The following PDGFA variants were observed in gnomAD, a reference collection of about 807,000 sequenced individuals.
The protein encoded by PDGFA is platelet-derived growth factor subunit A.
Under a neutral mutation model 25.6 loss-of-function variants are expected in PDGFA, and 9 were observed. That is an observed-to-expected ratio of 0.35 (90% CI 0.21 to 0.61). The LOEUF is 0.61. Among genes scored for constraint, PDGFA ranks in the 20% least tolerant of loss-of-function variants. PDGFA has a pLI of 0.75. For synonymous variants in PDGFA, 133 were observed against 111.8 expected (o/e 1.19, Z -1.20); for missense variants, 242 against 272.8 (o/e 0.89, Z 0.79).
chr7:497,959 C>CCA (rs1782149031), exon 6 of PDGFA: 1 of 56,688 alleles, frequency 1.8e-5, no homozygotes, highest in Non-Finnish European at 3.0e-5. Flanking sequence ...AAAAAAAAAA[C>CCA]AAAAAAAAAA....
Position 510,799 on chromosome 7 carries a change from G to GC in PDGFA, c.453+9_453+10insG, listed in dbSNP as rs1233407759. The GC allele has an allele frequency of 2.8e-6, 3 of 1,085,018 alleles. No homozygotes were observed. The Admixed American group carries it at 8.6e-5, about 31-fold the overall frequency. The allele number at this position is 1,085,018 out of a possible 1,614,324, so 67.2% of individuals were successfully genotyped here. On this transcript the variant is annotated intron_variant, in intron 4 of 5. Transcript: ENST00000402802. ...GAGGGGAGGGGAGGGGAGGGGAGGG[G>GC]AGGGCTCACCTTGACGCTGCGGTGG...
chr7:500,972 G>A lies in PDGFA; in HGVS notation c.580+144C>T, dbSNP rs760950749. On this transcript the variant is annotated intron_variant, in intron 5 of 5. Transcript: ENST00000402802. The surrounding 1 kb of genome is among the most constrained non-coding windows in gnomAD (Gnocchi z 5.0). ...CGTCTCCCCCGCAGGCATCTGGCCC[G>A]GGAGCAGGGCAACGAATCCTTCAAC... is the stretch of plus-strand genomic sequence containing the variant. 86 of 1,598,128 alleles carry A rather than the reference G, an allele frequency of 5.4e-5. No homozygotes were observed. The highest frequency in any genetic ancestry group is 2.0e-4 in the East Asian group (9 of 44,760).
chr7:505,746 C>T (rs369119399), intron 4 of PDGFA, among the ~76,000 whole-genome samples: 1 of 152,218 alleles, frequency 6.6e-6, no homozygotes, highest in African/African-American at 2.4e-5. Context: ...CATCCCTAGC[C>T]TGCACTCCTT....
intron 4 of PDGFA, among the ~76,000 whole-genome samples, chr7:509,318 G>A (rs966670608): frequency 6.6e-6 from 1 of 152,180 alleles, no homozygotes; most frequent in Non-Finnish European, 1.5e-5. Context: ...TAGAGACGGA[G>A]TCTTGCTCTA....
intron 4 of PDGFA, among the ~76,000 whole-genome samples, chr7:503,997 A>T (rs1406143204): frequency 1.3e-5 from 2 of 152,158 alleles, no homozygotes; most frequent in African/African-American, 4.8e-5. Flanking sequence ...CCCAGGACAG[A>T]ATCCTCCAGA....
chr7:509,297 CT>C (rs993881659), intron 4 of PDGFA, among the ~76,000 whole-genome samples: 3 of 152,102 alleles, frequency 2.0e-5, no homozygotes, highest in Admixed American at 6.5e-5. Context: ...CCTTTTTTCT[CT>C]TTTTTTTCTT....
chr7:512,352 G>A (rs565721664), exon 3 of PDGFA: 65 of 1,609,484 alleles, frequency 4.0e-5, no homozygotes, highest in South Asian at 3.1e-4. Context: ...TGGACTCACC[G>A]ATGCTTCTCT....
At chr7:516,307 G>C (rs1304164065) in intron 2 of PDGFA, among the ~76,000 whole-genome samples, 5 of 151,228 alleles carry the variant, frequency 3.3e-5, no homozygotes, top group African/African-American at 1.2e-4. Flanking sequence ...GGCATGAAAC[G>C]AAAATAGTTC....
At chr7:507,971 A>C (rs564278565) in intron 4 of PDGFA, among the ~76,000 whole-genome samples, 6 of 152,160 alleles carry the variant, frequency 3.9e-5, no homozygotes, top group Non-Finnish European at 8.8e-5. Flanking sequence ...TTGGGGCTTC[A>C]AAAGGGGAGT....
At chr7:512,270 C>A (rs557656698) in intron 3 of PDGFA, 81 bp downstream of exon 3, 11 of 1,320,908 alleles carry the variant, frequency 8.3e-6, no homozygotes, top group Non-Finnish European at 1.1e-5. Flanking sequence ...CCTCCCCACC[C>A]GGCCCTGCCC....
upstream of PDGFA, chr7:519,837 G>T (rs1193020243): frequency 6.8e-6 from 1 of 148,114 alleles, no homozygotes; most frequent in African/African-American, 2.5e-5. Context: ...GCTCCGCAGG[G>T]CGCGCGTGTG....
rs545240715 is a variant in PDGFA, at chr7:511,011, G to A, written c.266-15C>T. 93 of 1,606,706 alleles carry A rather than the reference G, an allele frequency of 5.8e-5. 1 individual carries two copies. In the South Asian group the frequency reaches 8.9e-4, roughly 15 times the overall value. ...GACAGCTTCCTCTGCAACGGCGGGG[G>A]CACAGTGAGCGGGGACCGGCCTCTG... On this transcript the variant is annotated splice_polypyrimidine_tract_variant and intron_variant, in intron 3 of 5. Coordinates refer to ENST00000402802, the Ensembl canonical transcript of PDGFA.
intron 2 of PDGFA, chr7:512,914 G>A (rs1198598095): frequency 4.0e-6 from 1 of 248,294 alleles, no homozygotes; most frequent in Non-Finnish European, 8.1e-6. Context: ...GGGAGAAGCA[G>A]AGGCCGCTGA....
intron 4 of PDGFA, among the ~76,000 whole-genome samples, chr7:510,474 C>T (rs1438719322): frequency 1.2e-4 from 16 of 135,202 alleles, no homozygotes; most frequent in Non-Finnish European, 1.8e-4. Context: ...TTGGTAGGGG[C>T]GGCCCCGGGC....
intron 2 of PDGFA, among the ~76,000 whole-genome samples, chr7:513,705 C>A (rs1782967505): frequency 2.0e-5 from 3 of 152,142 alleles, no homozygotes; most frequent in African/African-American, 7.2e-5. Context: ...AAGTGTCTCT[C>A]CCCAGCCCAT....
chr7:519,043 G>T, exon 1 of PDGFA: 1 of 1,460,230 alleles, frequency 6.8e-7, no homozygotes, highest in Non-Finnish European at 9.2e-7. Context: ...AGGCGAGGCC[G>T]CGGGGCGGGC....
Position 500,348 on chromosome 7 carries a change from C to T in PDGFA, c.580+768G>A. ...CACATCCCCGCCGCACCCGGCGAGA[C>T]AGGAAGCGTGATTTGCTGGTGTGAT... On this transcript the variant is annotated intron_variant, in intron 5 of 5. Transcript: ENST00000402802. This position sits in a 1 kb window ranked among gnomAD's most constrained non-coding sequence, Gnocchi z 5.0. The T allele has an allele frequency of 2.0e-6, 3 of 1,484,844 alleles. No individual in the cohort carries two copies. Among genetic ancestry groups the T allele is most frequent in the South Asian group, 1.1e-5 (1 of 87,822 alleles). The allele number at this position is 1,484,844 out of a possible 1,614,324, so 92.0% of individuals were successfully genotyped here. A position where few individuals can be genotyped will look rare whatever the true frequency, so the allele number is the denominator to read the frequency against.
chr7:502,793 CACACACACACACACACAT>C (rs893726653), intron 4 of PDGFA, among the ~76,000 whole-genome samples: 5 of 147,154 alleles, frequency 3.4e-5, no homozygotes, highest in South Asian at 2.3e-4. Flanking sequence ...CACACACACA[CACACACACACACACACAT>C]AATGCACATA....
chr7:518,248 G>A (rs1783196916), intron 1 of PDGFA, among the ~76,000 whole-genome samples: 1 of 151,930 alleles, frequency 6.6e-6, no homozygotes, highest in Non-Finnish European at 1.5e-5. Context: ...GGAGAGTCGG[G>A]GGTCGCTGGG....
Sources: gnomAD v4.1 joint callset for allele counts (sites outside exome capture counted in the v4.1 genomes callset) on GRCh38, gnomAD v4.1.1 for gene constraint, Gnocchi (gnomAD v3.1) non-coding constraint, MANE v1.5 for transcripts, NCBI Gene and HGNC (gene_info 2026-07-23, HGNC 2026-07-21) for gene names.